SLC24A2: variants seen among roughly 807,000 people sequenced by gnomAD.
SLC24A2 encodes the protein sodium/potassium/calcium exchanger 2.
Under a neutral mutation model 62.0 loss-of-function variants are expected in SLC24A2, and 36 were observed. The ratio of observed to expected loss-of-function variants is 0.58; its 90% confidence interval spans 0.44 to 0.77. SLC24A2 has a LOEUF of 0.77. SLC24A2 is among the 30% of genes least tolerant of loss of function. The probability of loss-of-function intolerance (pLI) is 0.00; values close to 1 mark genes in which losing one functional copy is unlikely to be tolerated. For missense variants in SLC24A2, 846 were observed against 817.9 expected (o/e 1.03, Z -0.42); for synonymous variants, 358 against 294.0 (o/e 1.22, Z -2.23).
intron 8 of SLC24A2, among the ~76,000 whole-genome samples, chr9:19,549,755 T>C (rs1209491544): frequency 3.3e-5 from 5 of 152,168 alleles, no homozygotes; most frequent in African/African-American, 1.2e-4. Flanking sequence ...GCCACAGACA[T>C]AATGGAGCAG....
the SLC24A2 span, among the ~76,000 whole-genome samples, chr9:19,910,010 T>G: frequency 6.6e-6 from 1 of 152,150 alleles, no homozygotes; most frequent in African/African-American, 2.4e-5. Flanking sequence ...ATTGAGTGCT[T>G]ACCAAGGGCA....
chr9:19,873,259 T>A, the SLC24A2 span, among the ~76,000 whole-genome samples: 1 of 151,712 alleles, frequency 6.6e-6, no homozygotes, highest in Admixed American at 6.6e-5. Flanking sequence ...TCTTTCTTCT[T>A]TTTCTTTCTT....
At chr9:19,570,209 C>T (rs1183936867) in intron 7 of SLC24A2, among the ~76,000 whole-genome samples, 3 of 152,224 alleles carry the variant, frequency 2.0e-5, no homozygotes, top group African/African-American at 4.8e-5. Flanking sequence ...TATCTCCTTA[C>T]TCCTCACCTT....
the SLC24A2 span, among the ~76,000 whole-genome samples, chr9:20,074,601 GGAAAGA>G: frequency 7.5e-3 from 441 of 58,422 alleles, 10 homozygotes; most frequent in East Asian, 0.063. Context: ...AAGGAAGGAA[GGAAAGA>G]AGGGAGTGAG....
chr9:19,954,097 A>G, the SLC24A2 span, among the ~76,000 whole-genome samples: 1 of 152,168 alleles, frequency 6.6e-6, no homozygotes, highest in African/African-American at 2.4e-5. Context: ...AATTTCCTTG[A>G]AAGTTTAAAT....
chr9:20,232,369 G>C, the SLC24A2 span, among the ~76,000 whole-genome samples: 20,750 of 151,922 alleles, frequency 0.14, 1,669 homozygotes, highest in African/African-American at 0.21. Context: ...TGGTCCTGGA[G>C]TTTTTTTGGT....
the SLC24A2 span, among the ~76,000 whole-genome samples, chr9:20,109,354 C>A: frequency 3.3e-5 from 5 of 152,208 alleles, no homozygotes; most frequent in Non-Finnish European, 7.3e-5. Flanking sequence ...AGCTAAGCCC[C>A]TGGCTGGCAT....
chr9:20,045,161 C>A, the SLC24A2 span, among the ~76,000 whole-genome samples: 1 of 152,160 alleles, frequency 6.6e-6, no homozygotes, highest in East Asian at 1.9e-4. Flanking sequence ...TGAGAACTTA[C>A]TATATGCTAG....
At chr9:20,117,035 C>T in the SLC24A2 span, among the ~76,000 whole-genome samples, 8 of 152,022 alleles carry the variant, frequency 5.3e-5, no homozygotes, top group Admixed American at 5.2e-4. Context: ...GAAGGAAATC[C>T]AGTCTCTCAC....
At chr9:20,305,319 G>T in the SLC24A2 span, among the ~76,000 whole-genome samples, 1 of 151,990 alleles carries the variant, frequency 6.6e-6, no homozygotes, top group South Asian at 2.1e-4. Context: ...TGTTGGTCAG[G>T]ATGGTCTCGA....
the SLC24A2 span, among the ~76,000 whole-genome samples, chr9:20,282,128 C>T: frequency 6.6e-6 from 1 of 151,886 alleles, no homozygotes; most frequent in Non-Finnish European, 1.5e-5. Context: ...TTTAAATATC[C>T]CAAACTATTA....
At chr9:19,869,283 T>C in the SLC24A2 span, among the ~76,000 whole-genome samples, 5,724 of 152,282 alleles carry the variant, frequency 0.038, 390 homozygotes, top group African/African-American at 0.13. Context: ...ACCCAGTCTA[T>C]TTATGGGACT....
the SLC24A2 span, among the ~76,000 whole-genome samples, chr9:19,973,846 A>G: frequency 6.6e-6 from 1 of 152,176 alleles, no homozygotes; most frequent in South Asian, 2.1e-4. Context: ...GGTTTTTTTG[A>G]AGTACGGGAT....
the SLC24A2 span, among the ~76,000 whole-genome samples, chr9:20,103,899 C>G: frequency 6.6e-6 from 1 of 152,066 alleles, no homozygotes; most frequent in South Asian, 2.1e-4. Flanking sequence ...TCAAACTACT[C>G]CAAGCTACAG....
chr9:19,535,651 T>A (rs759688249), intron 8 of SLC24A2, among the ~76,000 whole-genome samples: 1 of 152,180 alleles, frequency 6.6e-6, no homozygotes, highest in Non-Finnish European at 1.5e-5. Context: ...TTGTCAAAGA[T>A]TAGATGATTG....
At chr9:20,285,660 T>C in the SLC24A2 span, among the ~76,000 whole-genome samples, 1 of 152,212 alleles carries the variant, frequency 6.6e-6, no homozygotes, top group African/African-American at 2.4e-5. Flanking sequence ...ACCTCACAAA[T>C]GTACCCAGAA....
the SLC24A2 span, among the ~76,000 whole-genome samples, chr9:20,274,115 G>A: frequency 6.6e-6 from 1 of 152,176 alleles, no homozygotes; most frequent in South Asian, 2.1e-4. Context: ...GAGGGAATAA[G>A]CCAAAGTTCC....
chr9:19,576,668 G>C (rs1234299461), intron 6 of SLC24A2, among the ~76,000 whole-genome samples: 1 of 152,222 alleles, frequency 6.6e-6, no homozygotes, highest in Non-Finnish European at 1.5e-5. Context: ...CTAGTTAAGA[G>C]ATGGTTTTAC....
chr9:20,260,989 G>A, the SLC24A2 span, among the ~76,000 whole-genome samples: 1 of 151,642 alleles, frequency 6.6e-6, no homozygotes, highest in Non-Finnish European at 1.5e-5. Context: ...TCGAGTACCT[G>A]GGACTACAGG....
Sources: allele counts gnomAD v4.1 joint callset (sites outside exome capture counted in the v4.1 genomes callset), GRCh38; gene constraint gnomAD v4.1.1; transcripts MANE v1.5; gene names NCBI Gene and HGNC (gene_info 2026-07-23, HGNC 2026-07-21).